MEGF9: variants seen among roughly 807,000 people sequenced by gnomAD.
MEGF9 encodes the protein multiple epidermal growth factor-like domains protein 9.
Under a neutral mutation model 46.8 loss-of-function variants are expected in MEGF9, and 6 were observed. That is an observed-to-expected ratio of 0.13 (90% CI 0.07 to 0.25). The LOEUF (loss-of-function observed/expected upper bound fraction) is 0.25, where lower values mean the gene tolerates loss of function less well. Ranked by LOEUF, MEGF9 falls within the 10% of genes least tolerant of loss-of-function variation. The probability of loss-of-function intolerance (pLI) is 1.00; values close to 1 mark genes in which losing one functional copy is unlikely to be tolerated. For synonymous variants in MEGF9, 302 were observed against 330.7 expected, an observed-to-expected ratio of 0.91 and a Z score of 0.94; for missense variants, 683 against 792.4, an observed-to-expected ratio of 0.86 and a Z score of 1.66.
chr9:120,657,543 T>C (rs546994658), intron 2 of MEGF9, among the ~76,000 whole-genome samples: 21 of 152,350 alleles, frequency 1.4e-4, no homozygotes, highest in African/African-American at 3.6e-4. Context: ...TCCACAAATA[T>C]GTTTGCAGAA....
intron 2 of MEGF9, among the ~76,000 whole-genome samples, chr9:120,651,518 T>C (rs1189181081): frequency 6.6e-6 from 1 of 152,182 alleles, no homozygotes; most frequent in African/African-American, 2.4e-5. Flanking sequence ...AATAATAGTG[T>C]CTACATTATA....
intron 4 of MEGF9, among the ~76,000 whole-genome samples, chr9:120,610,169 C>T (rs1564411406): frequency 6.6e-6 from 1 of 152,114 alleles, no homozygotes; most frequent in Non-Finnish European, 1.5e-5. Context: ...TTATTCATAA[C>T]CCATGCAAAC....
intron 2 of MEGF9, among the ~76,000 whole-genome samples, chr9:120,644,570 TCAGA>T (rs763833681): frequency 2.0e-5 from 3 of 152,198 alleles, no homozygotes; most frequent in African/African-American, 4.8e-5. Flanking sequence ...GGCAGGATAG[TCAGA>T]CAGATATTAA....
intron 2 of MEGF9, among the ~76,000 whole-genome samples, chr9:120,631,487 A>ATTTTTTT (rs35207016): frequency 6.9e-6 from 1 of 145,978 alleles, no homozygotes; most frequent in Non-Finnish European, 1.5e-5. Context: ...ATTTGATTGC[A>ATTTTTTT]TTTTTTTTTT....
intron 2 of MEGF9, among the ~76,000 whole-genome samples, chr9:120,630,293 GACTTC>G (rs1195158257): frequency 1.3e-5 from 2 of 152,222 alleles, no homozygotes; most frequent in South Asian, 2.1e-4. Context: ...GCATCTGTCT[GACTTC>G]ACTTAAGATA....
chr9:120,645,781 TA>T (rs937056154), intron 2 of MEGF9, among the ~76,000 whole-genome samples: 8 of 152,220 alleles, frequency 5.3e-5, no homozygotes, highest in Non-Finnish European at 1.0e-4. Context: ...TTAACAGTTT[TA>T]AAAACTCTTA....
In MEGF9 at chr9:120,714,259, A is replaced by AGGCGACGGC; in HGVS notation, c.91_99dup (p.Ala31_Ala33dup). The AGGCGACGGC allele has an allele frequency of 3.4e-6, 4 of 1,194,024 alleles. No homozygotes were observed. The South Asian group carries it at 1.1e-4, about 32-fold the overall frequency. 74.0% of individuals were successfully genotyped at this position (1,194,024 alleles called of 1,614,324 possible). Reference sequence around the variant, plus strand: ...GTGACATTCCCCGCCGAGGCGGCTGAGGCGACGGCGGCGGCGGCGGCGGCG... The same window carrying AGGCGACGGC: ...GTGACATTCCCCGCCGAGGCGGCTGAGGCGACGGCGGCGACGGCGGCGGCGGCGGCGGCG... On this transcript the variant is annotated inframe_insertion, in exon 1 of 6. Coordinates refer to ENST00000373930, the MANE Select transcript of MEGF9 (RefSeq NM_001080497.3).
chr9:120,607,614 A>C (rs1290636752), intron 5 of MEGF9, 127 bp downstream of exon 5: 1 of 1,014,460 alleles, frequency 9.9e-7, no homozygotes, highest in Non-Finnish European at 1.4e-6. Context: ...AAACCTCTTT[A>C]GGCAAATATC....
intron 2 of MEGF9, among the ~76,000 whole-genome samples, chr9:120,652,160 AC>A (rs2043653093): frequency 1.1e-4 from 4 of 37,830 alleles, no homozygotes; most frequent in Non-Finnish European, 2.7e-4. Flanking sequence ...ACACACACAC[AC>A]ACACACACAC....
intron 2 of MEGF9, among the ~76,000 whole-genome samples, chr9:120,656,885 C>G (rs1020638006): frequency 6.6e-6 from 1 of 152,016 alleles, no homozygotes; most frequent in South Asian, 2.1e-4. Flanking sequence ...GAGTTCAAGA[C>G]CAGCCTGGGT....
intron 3 of MEGF9, among the ~76,000 whole-genome samples, chr9:120,614,017 A>ATTTTTTTTTTTTTTTTTTT (rs5900454): frequency 6.8e-6 from 1 of 147,320 alleles, no homozygotes. Context: ...AAAAAGCTCA[A>ATTTTTTTTTTTTTTTTTTT]TTTTTTTTTT....
intron 2 of MEGF9, among the ~76,000 whole-genome samples, chr9:120,634,314 C>T (rs138843051): frequency 6.0e-4 from 92 of 152,068 alleles, no homozygotes; most frequent in African/African-American, 2.1e-3. Flanking sequence ...TATCCTTTTG[C>T]TAAATTAATT....
chr9:120,616,017 A>G (rs1264158048), intron 3 of MEGF9, among the ~76,000 whole-genome samples: 1 of 152,196 alleles, frequency 6.6e-6, no homozygotes. Context: ...AAACAAATAA[A>G]TTAAAGATAG....
Position 120,601,203 on chromosome 9 carries a change from GACTA to G in MEGF9, c.*3983_*3986del, listed in dbSNP as rs1320747566. On this transcript the variant is annotated 3_prime_UTR_variant, in exon 6 of 6. Coordinates refer to ENST00000373930, the MANE Select transcript of MEGF9 (RefSeq NM_001080497.3). ...TTGACTTTAAATCATTTAGCTTTTG[GACTA>G]ACTTAGATCTGAAGCCCTGGGCTTA... 4 of 152,464 alleles carry G rather than the reference GACTA, an allele frequency of 2.6e-5. No individual in the cohort carries two copies. The highest frequency in any genetic ancestry group is 3.9e-4 in the East Asian group (2 of 5,188). 9.4% of individuals were successfully genotyped at this position (152,464 alleles called of 1,614,324 possible).
At chr9:120,694,248 C>T (rs1194002271) in intron 1 of MEGF9, among the ~76,000 whole-genome samples, 5 of 152,194 alleles carry the variant, frequency 3.3e-5, no homozygotes, top group Non-Finnish European at 1.5e-5. Flanking sequence ...GGGTTTGAAT[C>T]CCAGCTAACT....
chr9:120,622,836 A>G, intron 2 of MEGF9, 81 bp from the exon 3 acceptor site: 1 of 1,420,478 alleles, frequency 7.0e-7, no homozygotes, highest in Non-Finnish European at 9.7e-7. Flanking sequence ...AGGGAAAGAA[A>G]GCCCAGCTCA....
intron 2 of MEGF9, among the ~76,000 whole-genome samples, chr9:120,637,478 A>G: frequency 6.7e-6 from 1 of 149,934 alleles, no homozygotes; most frequent in Non-Finnish European, 1.5e-5. Context: ...TAAAGTATGT[A>G]TTCTGCTTTA....
chr9:120,696,529 G>A (rs894129198), intron 1 of MEGF9, among the ~76,000 whole-genome samples: 1 of 152,122 alleles, frequency 6.6e-6, no homozygotes, highest in Non-Finnish European at 1.5e-5. Context: ...TTCATTTAAC[G>A]CTCTTAGTAT....
intron 2 of MEGF9, among the ~76,000 whole-genome samples, chr9:120,626,741 T>A (rs73550173): frequency 1.6e-4 from 24 of 152,214 alleles, no homozygotes; most frequent in Admixed American, 1.5e-3. Flanking sequence ...CAGAGTTTGG[T>A]TCATATTCCA....
Sources: allele counts gnomAD v4.1 joint callset (sites outside exome capture counted in the v4.1 genomes callset), GRCh38; gene constraint gnomAD v4.1.1; transcripts MANE v1.5; gene names NCBI Gene and HGNC (gene_info 2026-07-23, HGNC 2026-07-21).